The following RTL4 variants were observed in gnomAD, a reference collection of about 807,000 sequenced individuals.
RTL4 encodes retrotransposon Gag-like protein 4.
Under a neutral mutation model 5.3 loss-of-function variants are expected in RTL4, and 4 were observed. The ratio of observed to expected loss-of-function variants is 0.75; its 90% CI spans 0.37 to 1.72. The LOEUF (loss-of-function observed/expected upper bound fraction) is 1.72. Among genes scored for constraint, RTL4 ranks in the 40% most tolerant of loss-of-function variants. The probability of loss-of-function intolerance (pLI) is 0.04; values close to 1 mark genes in which losing one functional copy is unlikely to be tolerated. For synonymous variants in RTL4, 98 were observed against 87.3 expected, an observed-to-expected ratio of 1.12 and a Z score of -0.68; for missense variants, 260 against 227.1, an observed-to-expected ratio of 1.14 and a Z score of -0.93.
the RTL4 span, among the ~76,000 whole-genome samples, chrX:112,264,369 A>C: frequency 3.6e-5 from 4 of 111,323 alleles, no homozygotes; most frequent in Admixed American, 9.6e-5. Context: ...ACAGCTCCAC[A>C]CACACTGTAG....
At chrX:112,159,389 G>C in the RTL4 span, among the ~76,000 whole-genome samples, 1 of 112,002 alleles carries the variant, frequency 8.9e-6, no homozygotes, top group African/African-American at 3.2e-5. Flanking sequence ...AGGTTCAGTG[G>C]CTTACCCAGC....
At chrX:112,364,219 G>C in the RTL4 span, among the ~76,000 whole-genome samples, 2 of 111,359 alleles carry the variant, frequency 1.8e-5, no homozygotes, top group Non-Finnish European at 3.8e-5. Context: ...GGATTCCCTA[G>C]CCCAAGACTG....
the RTL4 span, among the ~76,000 whole-genome samples, chrX:112,346,185 A>G: frequency 5.4e-5 from 6 of 111,790 alleles, no homozygotes; most frequent in Non-Finnish European, 1.1e-4. Context: ...TATTTTTATA[A>G]TTTTAAAAAC....
At chrX:112,457,438 A>G (rs1187285294), downstream of RTL4, among the ~76,000 whole-genome samples, 1 of 111,594 alleles carries the variant, frequency 9.0e-6, no homozygotes, top group Non-Finnish European at 1.9e-5. Context: ...AGAGCTATTG[A>G]ACGTAGAGTG....
chrX:112,120,580 GTTTT>G, the RTL4 span, among the ~76,000 whole-genome samples: 1 of 93,001 alleles, frequency 1.1e-5, no homozygotes. Flanking sequence ...CCCGGCTGGG[GTTTT>G]TTTTTTTTTT....
At chrX:112,409,474 C>G in the RTL4 span, among the ~76,000 whole-genome samples, 1 of 111,152 alleles carries the variant, frequency 9.0e-6, no homozygotes, top group Non-Finnish European at 1.9e-5. Context: ...TAATCCCCAG[C>G]ACTTTGGGAG....
the RTL4 span, among the ~76,000 whole-genome samples, chrX:112,287,294 G>C: frequency 9.0e-6 from 1 of 111,538 alleles, no homozygotes; most frequent in East Asian, 2.8e-4. Flanking sequence ...AAAAACTCCT[G>C]ACCAAAATAT....
the RTL4 span, among the ~76,000 whole-genome samples, chrX:112,092,753 T>C: frequency 9.0e-6 from 1 of 110,721 alleles, no homozygotes; most frequent in East Asian, 2.9e-4. Context: ...GATCTGATGG[T>C]TTTAAGAATG....
chrX:112,131,630 T>C, the RTL4 span, among the ~76,000 whole-genome samples: 1 of 111,695 alleles, frequency 9.0e-6, no homozygotes, highest in Non-Finnish European at 1.9e-5. Flanking sequence ...TACTATTAAA[T>C]CTCTCAAGTT....
chrX:112,287,171 G>T, the RTL4 span, among the ~76,000 whole-genome samples: 7 of 111,683 alleles, frequency 6.3e-5, no homozygotes, highest in Admixed American at 5.7e-4. Flanking sequence ...ATGAATACAT[G>T]CATCAGTGAA....
the RTL4 span, among the ~76,000 whole-genome samples, chrX:112,169,456 G>A: frequency 9.0e-6 from 1 of 110,836 alleles, no homozygotes; most frequent in Non-Finnish European, 1.9e-5. Context: ...CCTCTCTTGG[G>A]GTCTGAATTA....
the RTL4 span, among the ~76,000 whole-genome samples, chrX:112,095,903 G>T: frequency 8.9e-6 from 1 of 112,020 alleles, no homozygotes; most frequent in Non-Finnish European, 1.9e-5. Context: ...TGTAGAGGAA[G>T]TTGAGCACTT....
the RTL4 span, among the ~76,000 whole-genome samples, chrX:112,229,159 T>C: frequency 5.3e-5 from 6 of 112,268 alleles, no homozygotes; most frequent in African/African-American, 1.9e-4. Flanking sequence ...GTTCCTCCTG[T>C]TGGAGGGGCT....
At chrX:112,362,392 C>T in the RTL4 span, among the ~76,000 whole-genome samples, 2 of 111,678 alleles carry the variant, frequency 1.8e-5, no homozygotes, top group Non-Finnish European at 1.9e-5. Context: ...AAGACGATAA[C>T]ATGTTAGAAA....
At chrX:112,128,530 G>A in the RTL4 span, among the ~76,000 whole-genome samples, 1 of 108,979 alleles carries the variant, frequency 9.2e-6, no homozygotes, top group Non-Finnish European at 1.9e-5. Context: ...GCAGTGGCAC[G>A]CGCCTGTAGT....
the RTL4 span, among the ~76,000 whole-genome samples, chrX:112,146,617 T>TGAG: frequency 9.2e-6 from 1 of 109,264 alleles, no homozygotes; most frequent in Admixed American, 9.9e-5. Flanking sequence ...AGCAGGGAAA[T>TGAG]GAGGAGGAAG....
chrX:112,103,035 G>T, the RTL4 span, among the ~76,000 whole-genome samples: 1 of 111,571 alleles, frequency 9.0e-6, no homozygotes, highest in Admixed American at 9.5e-5. Flanking sequence ...ATTCCTCAAG[G>T]ATCTAGAGGC....
chrX:112,134,128 C>A, the RTL4 span, among the ~76,000 whole-genome samples: 1 of 112,165 alleles, frequency 8.9e-6, no homozygotes, highest in African/African-American at 3.2e-5. Flanking sequence ...AGTAAATTGT[C>A]ACTCTGAGAC....
the RTL4 span, among the ~76,000 whole-genome samples, chrX:112,299,634 G>C: frequency 9.0e-6 from 1 of 111,385 alleles, no homozygotes; most frequent in Non-Finnish European, 1.9e-5. Flanking sequence ...TCTCCCCCTT[G>C]GACTTTGGAG....
Sources: gnomAD v4.1 joint callset for allele counts (sites outside exome capture counted in the v4.1 genomes callset) on GRCh38, gnomAD v4.1.1 for gene constraint, MANE v1.5 for transcripts, NCBI Gene and HGNC (gene_info 2026-07-23, HGNC 2026-07-21) for gene names.